Variants in PLCB1 observed in about 807,000 individuals in gnomAD.
The protein encoded by PLCB1 is phospholipase C beta 1.
A neutral mutation model predicts 161.8 loss-of-function variants in PLCB1; 46 were observed. That is an observed-to-expected ratio of 0.28 (90% CI 0.22 to 0.36). PLCB1 has a LOEUF of 0.36. Among genes scored for constraint, PLCB1 ranks in the 10% least tolerant of loss-of-function variants. The probability of loss-of-function intolerance (pLI) is 1.00; values close to 1 mark genes in which losing one functional copy is unlikely to be tolerated. For synonymous variants in PLCB1, 517 were observed against 503.7 expected, an observed-to-expected ratio of 1.03 and a Z score of -0.35; for missense variants, 1,016 against 1,472.5, an observed-to-expected ratio of 0.69 and a Z score of 5.07.
At chr20:8,473,963 C>T (rs937563044) in intron 3 of PLCB1, among the ~76,000 whole-genome samples, 2 of 152,164 alleles carry the variant, frequency 1.3e-5, no homozygotes, top group African/African-American at 4.8e-5. Context: ...ACTGATGCCT[C>T]TAAGAAATCT....
chr20:8,600,842 G>C (rs1351628791), intron 3 of PLCB1: 1 of 152,336 alleles, frequency 6.6e-6, no homozygotes, highest in Non-Finnish European at 1.5e-5. Context: ...CGCAGTATTC[G>C]GGTGGGAGTG....
At chr20:8,651,470 A>G (rs759136200) in intron 7 of PLCB1, 2 of 726,586 alleles carry the variant, frequency 2.8e-6, no homozygotes, top group Non-Finnish European at 5.1e-6. Flanking sequence ...GGCTCCCCCA[A>G]AACATTTTCA....
At chr20:8,457,386 G>T (rs890618328) in intron 3 of PLCB1, among the ~76,000 whole-genome samples, 2 of 151,990 alleles carry the variant, frequency 1.3e-5, no homozygotes, top group African/African-American at 2.4e-5. Flanking sequence ...TTCACCCAGC[G>T]TAATGCCAGT....
chr20:8,740,585 G>A (rs953597783), intron 22 of PLCB1, 137 bp downstream of exon 22: 7 of 505,376 alleles, frequency 1.4e-5, no homozygotes, highest in Non-Finnish European at 2.4e-5. Flanking sequence ...CCCTACTTTC[G>A]TATGTATGTT....
At chr20:8,446,305 A>G (rs1193007574) in intron 3 of PLCB1, among the ~76,000 whole-genome samples, 2 of 152,180 alleles carry the variant, frequency 1.3e-5, no homozygotes, top group Admixed American at 6.5e-5. Context: ...CAAAGACAAA[A>G]ACCACATGAC....
intron 16 of PLCB1, among the ~76,000 whole-genome samples, chr20:8,726,262 C>T (rs1397627689): frequency 5.9e-5 from 9 of 152,102 alleles, no homozygotes; most frequent in South Asian, 2.1e-4. Flanking sequence ...AAGTGATTCT[C>T]GGTCTTTCTA....
intron 2 of PLCB1, among the ~76,000 whole-genome samples, chr20:8,153,568 C>T (rs983279758): frequency 7.9e-5 from 12 of 152,086 alleles, no homozygotes; most frequent in Non-Finnish European, 1.2e-4. Context: ...GAATCTGCTC[C>T]ACCGGTTTTG....
chr20:8,800,266 C>G (rs1294090617), intron 31 of PLCB1, among the ~76,000 whole-genome samples: 1 of 152,176 alleles, frequency 6.6e-6, no homozygotes, highest in African/African-American at 2.4e-5. Flanking sequence ...ATATCTAAGG[C>G]CATATTCATG....
intron 3 of PLCB1, among the ~76,000 whole-genome samples, chr20:8,477,872 TC>T (rs1473424710): frequency 6.6e-6 from 1 of 152,182 alleles, no homozygotes; most frequent in Non-Finnish European, 1.5e-5. Flanking sequence ...GAATAACATT[TC>T]GGCTTAACGT....
chr20:8,830,616 A>G (rs1242301140), intron 31 of PLCB1, among the ~76,000 whole-genome samples: 1 of 152,174 alleles, frequency 6.6e-6, no homozygotes, highest in Non-Finnish European at 1.5e-5. Flanking sequence ...CCCACCCATT[A>G]CTTCATTTTC....
intron 3 of PLCB1, among the ~76,000 whole-genome samples, chr20:8,467,310 A>AT (rs1292681252): frequency 2.6e-5 from 4 of 152,202 alleles, no homozygotes; most frequent in Non-Finnish European, 4.4e-5. Context: ...TGTATTTATG[A>AT]TTTTTTTAGC....
At chr20:8,648,072 C>T in intron 6 of PLCB1, 119 bp downstream of exon 6, 2 of 649,232 alleles carry the variant, frequency 3.1e-6, no homozygotes, top group Non-Finnish European at 2.7e-6. Context: ...TGCGTGGTAG[C>T]CCTGTCCTCC....
At chr20:8,706,510 C>T (rs1380620284) in intron 11 of PLCB1, among the ~76,000 whole-genome samples, 1 of 152,124 alleles carries the variant, frequency 6.6e-6, no homozygotes, top group East Asian at 1.9e-4. Context: ...GGAGAGGAGG[C>T]GAGAATGGCT....
chr20:8,481,808 A>C (rs1982508988), intron 3 of PLCB1, among the ~76,000 whole-genome samples: 1 of 152,112 alleles, frequency 6.6e-6, no homozygotes, highest in Admixed American at 6.5e-5. Context: ...TTTGATCTGA[A>C]ATTCACAGCT....
chr20:8,560,490 T>C (rs1986107241), intron 3 of PLCB1, among the ~76,000 whole-genome samples: 2 of 151,958 alleles, frequency 1.3e-5, no homozygotes, highest in Admixed American at 1.3e-4. Flanking sequence ...TAGAAAGCAT[T>C]ATGGATTAAT....
intron 3 of PLCB1, among the ~76,000 whole-genome samples, chr20:8,514,692 C>G (rs1424588895): frequency 6.6e-6 from 1 of 152,028 alleles, no homozygotes; most frequent in Non-Finnish European, 1.5e-5. Flanking sequence ...TCTACCCTAA[C>G]AAAGAAAATT....
Position 8,523,494 on chromosome 20 carries a change from CTCTAT to C in PLCB1, c.247-104799_247-104795del, listed in dbSNP as rs1984452418. Among the ~76,000 whole-genome samples the C allele has an allele frequency of 8.1e-5, 4 of 49,602 alleles. 1 individual carries two copies. The highest frequency in any genetic ancestry group is 1.7e-4 in the Non-Finnish European group (4 of 23,082). 32.5% of individuals were successfully genotyped at this position (49,602 alleles called of 152,430 possible). ...TCTCTCTCTCTCTCTCTCTCTCTCT[CTCTAT>C]ATATATATATATATATATATATGGA... On this transcript the variant is annotated intron_variant, in intron 3 of 31. Transcript: ENST00000338037.
At chr20:8,793,062 T>C (rs1290504105) in intron 31 of PLCB1, among the ~76,000 whole-genome samples, 1 of 152,160 alleles carries the variant, frequency 6.6e-6, no homozygotes, top group African/African-American at 2.4e-5. Context: ...GAAACAGGCT[T>C]TGAATCTTGA....
intron 31 of PLCB1, among the ~76,000 whole-genome samples, chr20:8,825,536 G>T (rs917787225): frequency 4.6e-5 from 7 of 152,170 alleles, no homozygotes; most frequent in Admixed American, 4.6e-4. Context: ...AGGAACTGAA[G>T]AGTCATGGTA....
Sources: gnomAD v4.1 joint callset for allele counts (sites outside exome capture counted in the v4.1 genomes callset) on GRCh38, gnomAD v4.1.1 for gene constraint, MANE v1.5 for transcripts, NCBI Gene and HGNC (gene_info 2026-07-23, HGNC 2026-07-21) for gene names.